The following ZSWIM6 variants were observed in gnomAD, a reference collection of about 807,000 sequenced individuals.
The protein encoded by ZSWIM6 is zinc finger SWIM domain-containing protein 6.
A neutral mutation model predicts 113.2 loss-of-function variants in ZSWIM6; 9 were observed. The ratio of observed to expected loss-of-function variants is 0.08; its 90% CI spans 0.05 to 0.14. The LOEUF (loss-of-function observed/expected upper bound fraction) is 0.14, where lower values mean the gene tolerates loss of function less well. Among genes scored for constraint, ZSWIM6 ranks in the 10% least tolerant of loss-of-function variants. The pLI is 1.00. For synonymous variants in ZSWIM6, 611 were observed against 606.5 expected (o/e 1.01, Z -0.11); for missense variants, 1,162 against 1,552.2 (o/e 0.75, Z 4.22).
Position 61,363,964 on chromosome 5 carries a change from T to TCCTTCCTC in ZSWIM6, c.676+31020_676+31027dup, listed in dbSNP as rs1333713488. On this transcript the variant is annotated intron_variant, in intron 1 of 13. Transcript: ENST00000252744. Reference sequence around the variant, plus strand: ...CTTTTTCTTTCTCTCTCTCCTTCCTTCCTTCCTCCCTCCCTCCCTCCCTCC... The same window carrying TCCTTCCTC: ...CTTTTTCTTTCTCTCTCTCCTTCCTTCCTTCCTCCCTTCCTCCCTCCCTCCCTCCCTCC... Among the ~76,000 whole-genome samples, 4 of 150,002 alleles carry TCCTTCCTC rather than the reference T, an allele frequency of 2.7e-5. No homozygotes were observed. The East Asian group carries it at 7.9e-4, about 30-fold the overall frequency.
At chr5:61,397,585 A>G (rs1237765119) in intron 1 of ZSWIM6, among the ~76,000 whole-genome samples, 1 of 152,166 alleles carries the variant, frequency 6.6e-6, no homozygotes, top group African/African-American at 2.4e-5. Context: ...ACTTTGTTTT[A>G]AAAACATGAA....
intron 1 of ZSWIM6, among the ~76,000 whole-genome samples, chr5:61,407,808 A>G (rs78943051): frequency 0.031 from 4,675 of 152,312 alleles, 227 homozygotes; most frequent in African/African-American, 0.11. Flanking sequence ...TCTGTTTTCT[A>G]AAAATAAAAT....
intron 1 of ZSWIM6, among the ~76,000 whole-genome samples, chr5:61,460,181 C>T (rs559996940): frequency 6.3e-4 from 96 of 152,268 alleles, no homozygotes; most frequent in African/African-American, 2.1e-3. Flanking sequence ...CATACATGTC[C>T]AGGTAGTCTT....
chr5:61,348,275 A>G (rs1744707875), intron 1 of ZSWIM6, among the ~76,000 whole-genome samples: 1 of 152,152 alleles, frequency 6.6e-6, no homozygotes, highest in Non-Finnish European at 1.5e-5. Flanking sequence ...TATTTTTAAA[A>G]TAGCATACGT....
At chr5:61,429,096 G>A (rs557827105) in intron 1 of ZSWIM6, among the ~76,000 whole-genome samples, 3 of 152,244 alleles carry the variant, frequency 2.0e-5, no homozygotes, top group East Asian at 1.9e-4. Flanking sequence ...AATTTAAAAC[G>A]AAACCTCTGT....
chr5:61,507,341 GA>G (rs1057052831), intron 4 of ZSWIM6, among the ~76,000 whole-genome samples: 36 of 152,154 alleles, frequency 2.4e-4, no homozygotes, highest in Non-Finnish European at 4.6e-4. Context: ...GAAGGAACTT[GA>G]AAAACAAGTT....
intron 13 of ZSWIM6, among the ~76,000 whole-genome samples, chr5:61,542,263 A>G (rs1029376784): frequency 2.6e-5 from 4 of 152,186 alleles, no homozygotes; most frequent in Admixed American, 2.6e-4. Context: ...ACCTAGTTGC[A>G]CTGTTTTTCT....
At position 61,518,715 on chromosome 5, in the gene ZSWIM6, A is replaced by C. The variant is rs1319527595; in HGVS notation, c.1334-2548A>C. ...CCTTTGTCAGATGAGTAGGTTGCGAAAATTTTCTCCCATTTTGTAGGTTGC... is the reference window on the plus strand; with the variant it reads ...CCTTTGTCAGATGAGTAGGTTGCGACAATTTTCTCCCATTTTGTAGGTTGC... On this transcript the variant is annotated intron_variant, in intron 4 of 13. Transcript: ENST00000252744. 9.9e-5 allele frequency among the ~76,000 whole-genome samples: 15 copies of C among 152,016 alleles called. No individual in the cohort carries two copies. In the South Asian group the frequency reaches 3.1e-3, roughly 32 times the overall value.
In ZSWIM6 at chr5:61,362,765, T is replaced by G. The variant is rs948682769; in HGVS notation, c.676+29817T>G. Among the ~76,000 whole-genome samples the G allele has an allele frequency of 3.3e-5, 5 of 152,246 alleles. No homozygotes were observed. The South Asian group carries it at 1.0e-3, about 31-fold the overall frequency. ...TGCAGTTTTTATTTCCAGGTCTGAC[T>G]GCTCTCCTGATTGCTTGCTTATCTT... is the stretch of plus-strand genomic sequence containing the variant. On this transcript the variant is annotated intron_variant, in intron 1 of 13. Coordinates refer to ENST00000252744, the MANE Select transcript of ZSWIM6 (RefSeq NM_020928.2).
chr5:61,513,791 T>C (rs1748857538), intron 4 of ZSWIM6, among the ~76,000 whole-genome samples: 1 of 152,116 alleles, frequency 6.6e-6, no homozygotes. Context: ...GGTGTATTTC[T>C]GAACTCTATT....
At chr5:61,348,804 C>A (rs1262301101) in intron 1 of ZSWIM6, among the ~76,000 whole-genome samples, 2 of 152,096 alleles carry the variant, frequency 1.3e-5, no homozygotes, top group Middle Eastern at 3.2e-3. Context: ...TAAACCAGAT[C>A]CATTTAGATA....
intron 1 of ZSWIM6, among the ~76,000 whole-genome samples, chr5:61,334,912 T>G (rs1343264384): frequency 2.0e-5 from 3 of 150,090 alleles, no homozygotes; most frequent in Non-Finnish European, 4.4e-5. Context: ...TTTTTCCCCC[T>G]CCCTCTCCCT....
rs1046738327 is a variant in ZSWIM6 at position 61,521,266 on chromosome 5, C to T, written c.1337C>T (p.Ala446Val). ...TTCCTTTCCTCCTTTAAATTAGGTG[C>T]TCTGTGGATGTGTATAGTTTTAAAC... ...KYRQLWDELG[A>V]LWMCIVLNPH... Residue 446 changes from alanine (A) to valine (V), a missense_variant, in exon 5 of 14, where the codon GCT becomes GTT. Around this residue, in one of 4 missense-constraint regions of ZSWIM6, gnomAD observed 620 missense variants for 804.6 expected, o/e 0.77. Transcript: ENST00000252744. The T allele has an allele frequency of 8.2e-6, 11 of 1,339,788 alleles. No homozygotes were observed. In the African/African-American group the frequency reaches 1.2e-4, roughly 15 times the overall value. 83.0% of individuals were successfully genotyped at this position (1,339,788 alleles called of 1,614,324 possible).
At chr5:61,462,641 G>C (rs1020335567) in intron 1 of ZSWIM6, among the ~76,000 whole-genome samples, 1 of 152,124 alleles carries the variant, frequency 6.6e-6, no homozygotes, top group South Asian at 2.1e-4. Flanking sequence ...AACGGGCTAG[G>C]GTTTTAGTGC....
At chr5:61,396,226 T>C (rs1745834496) in intron 1 of ZSWIM6, among the ~76,000 whole-genome samples, 1 of 152,172 alleles carries the variant, frequency 6.6e-6, no homozygotes, top group African/African-American at 2.4e-5. Flanking sequence ...ACCATGCATA[T>C]TTATTTTGAG....
intron 2 of ZSWIM6, among the ~76,000 whole-genome samples, chr5:61,487,448 A>G (rs900947070): frequency 8.6e-5 from 13 of 151,900 alleles, no homozygotes; most frequent in Non-Finnish European, 1.6e-4. Flanking sequence ...CAATATTTGG[A>G]TAAAGATTGC....
chr5:61,367,274 T>C (rs1015242309), intron 1 of ZSWIM6, among the ~76,000 whole-genome samples: 2 of 152,178 alleles, frequency 1.3e-5, no homozygotes, highest in Non-Finnish European at 2.9e-5. Context: ...TTTTTTTAAT[T>C]GGGACAGGGT....
chr5:61,423,962 T>C (rs923552868), intron 1 of ZSWIM6, among the ~76,000 whole-genome samples: 4 of 152,200 alleles, frequency 2.6e-5, no homozygotes, highest in African/African-American at 4.8e-5. Context: ...GCCCCTCCTC[T>C]GTGTCCTTAA....
chr5:61,493,024 G>T lies in ZSWIM6; in HGVS notation c.1183-1236G>T, dbSNP rs141445652. Among the ~76,000 whole-genome samples, 34 of 152,190 alleles carry T rather than the reference G, an allele frequency of 2.2e-4. No individual in the cohort carries two copies. The East Asian group carries it at 6.4e-3, about 29-fold the overall frequency. On this transcript the variant is annotated intron_variant, in intron 3 of 13. Transcript: ENST00000252744. The stretch of plus-strand genomic sequence containing the variant: ...AGCAGTATACATTTTTGAAGTGGAT[G>T]GATTCATTTAGGGCTTGCTGCAGAG...
Sources: allele counts gnomAD v4.1 joint callset (sites outside exome capture counted in the v4.1 genomes callset), GRCh38; gene constraint gnomAD v4.1.1; regional missense constraint gnomAD v4.1.1; transcripts MANE v1.5; gene names NCBI Gene and HGNC (gene_info 2026-07-23, HGNC 2026-07-21).